Variants in DGKB observed in about 807,000 individuals in gnomAD.
DGKB encodes the protein diacylglycerol kinase beta.
A neutral mutation model predicts 114.3 loss-of-function variants in DGKB; 67 were observed. The observed-to-expected ratio is 0.59, with a 90% CI of 0.48 to 0.72. The LOEUF (loss-of-function observed/expected upper bound fraction) is 0.72, where lower values mean the gene tolerates loss of function less well. DGKB is among the 30% of genes least tolerant of loss of function. The pLI is 0.00. For synonymous variants in DGKB, 398 were observed against 323.1 expected (o/e 1.23, Z -2.49); for missense variants, 907 against 975.2 (o/e 0.93, Z 0.93).
intron 21 of DGKB, among the ~76,000 whole-genome samples, chr7:14,410,780 T>C (rs934203423): frequency 1.7e-5 from 2 of 115,364 alleles, no homozygotes; most frequent in African/African-American, 3.0e-5. Flanking sequence ...ATTTTAAAAA[T>C]TGTATCAAAT....
At chr7:14,480,376 A>G (rs1335144896) in intron 20 of DGKB, among the ~76,000 whole-genome samples, 1 of 152,078 alleles carries the variant, frequency 6.6e-6, no homozygotes, top group Non-Finnish European at 1.5e-5. Context: ...TAAAAAGAGA[A>G]CTGGCATTGC....
At chr7:14,962,036 T>C (rs1166136669) in intron 1 of DGKB, among the ~76,000 whole-genome samples, 1 of 152,132 alleles carries the variant, frequency 6.6e-6, no homozygotes, top group Non-Finnish European at 1.5e-5. Flanking sequence ...ACGAATTCTT[T>C]AAAATTACAA....
chr7:14,579,616 T>C (rs183195696), intron 19 of DGKB, among the ~76,000 whole-genome samples: 33 of 152,278 alleles, frequency 2.2e-4, no homozygotes, highest in Middle Eastern at 3.4e-3. Context: ...TGAACTCTAA[T>C]GCAACTCATG....
At chr7:14,458,179 A>T (rs1832573221) in intron 21 of DGKB, among the ~76,000 whole-genome samples, 2 of 152,194 alleles carry the variant, frequency 1.3e-5, no homozygotes. Context: ...TATTCTAACC[A>T]CCTGAATATT....
chr7:14,755,035 C>T (rs1471901897), intron 3 of DGKB, among the ~76,000 whole-genome samples: 2 of 152,126 alleles, frequency 1.3e-5, no homozygotes, highest in Non-Finnish European at 2.9e-5. Context: ...AATCATTTCA[C>T]TTTTCTTAAA....
chr7:14,553,661 T>C (rs113890185), intron 20 of DGKB, among the ~76,000 whole-genome samples: 16 of 152,126 alleles, frequency 1.1e-4, no homozygotes, highest in African/African-American at 3.4e-4. Flanking sequence ...TCATGGTATG[T>C]ATGGGTTTAC....
In DGKB at chr7:14,647,437, A is replaced by G. The variant is rs1355154677; in HGVS notation, c.1135-17169T>C. Among the ~76,000 whole-genome samples the G allele has an allele frequency of 2.0e-5, 3 of 152,194 alleles. No homozygotes were observed. The East Asian group carries it at 5.8e-4, about 29-fold the overall frequency. ...AAACGAAACCAATTATTTTTAAATT[A>G]CTCCAAAAACAAAAAAATAGACCAT... On this transcript the variant is annotated intron_variant, in intron 13 of 25. Coordinates refer to ENST00000402815, the MANE Select transcript of DGKB (RefSeq NM_001350709.2).
intron 13 of DGKB, among the ~76,000 whole-genome samples, chr7:14,669,132 T>G (rs1334892743): frequency 1.3e-5 from 2 of 152,180 alleles, no homozygotes; most frequent in Non-Finnish European, 2.9e-5. Flanking sequence ...GACCCAGGTT[T>G]CTATTTCTTT....
In DGKB at chr7:14,259,994, A is replaced by T. The variant is rs1796516907; in HGVS notation, c.2122+78521T>A. Reference sequence around the variant, plus strand: ...ACATTTCAAATTGTTGAGCACTTTTATCTTCTGGGTTTGAAATTATTCATG... The same window carrying T: ...ACATTTCAAATTGTTGAGCACTTTTTTCTTCTGGGTTTGAAATTATTCATG... On this transcript the variant is annotated intron_variant, in intron 23 of 25. Coordinates refer to ENST00000402815, the MANE Select transcript of DGKB (RefSeq NM_001350709.2). Among the ~76,000 whole-genome samples, 3 of 152,158 alleles carry T rather than the reference A, an allele frequency of 2.0e-5. No homozygotes were observed. The South Asian group carries it at 6.2e-4, about 31-fold the overall frequency.
At chr7:14,290,140 G>T (rs1306981313) in intron 23 of DGKB, among the ~76,000 whole-genome samples, 1 of 152,124 alleles carries the variant, frequency 6.6e-6, no homozygotes, top group Non-Finnish European at 1.5e-5. Flanking sequence ...TGACCTCAAA[G>T]CCCAACCAGG....
chr7:14,853,867 CAAAAAAA>C (rs56269565), intron 1 of DGKB, among the ~76,000 whole-genome samples: 34 of 104,000 alleles, frequency 3.3e-4, no homozygotes, highest in Admixed American at 8.0e-4. Context: ...GACTCCGTCT[CAAAAAAA>C]AAAAAAAAAA....
At chr7:14,645,232 A>T (rs2128882567) in intron 13 of DGKB, among the ~76,000 whole-genome samples, 1 of 152,202 alleles carries the variant, frequency 6.6e-6, no homozygotes, top group East Asian at 1.9e-4. Flanking sequence ...GCTTTCCTTC[A>T]GTGACTCAAT....
chr7:14,849,474 C>T (rs1202696351), intron 1 of DGKB, among the ~76,000 whole-genome samples: 1 of 152,024 alleles, frequency 6.6e-6, no homozygotes, highest in Non-Finnish European at 1.5e-5. Flanking sequence ...TTCCATCTTC[C>T]ACCATGTGAC....
At chr7:14,851,232 A>T (rs1849304385) in intron 1 of DGKB, among the ~76,000 whole-genome samples, 1 of 152,184 alleles carries the variant, frequency 6.6e-6, no homozygotes, top group South Asian at 2.1e-4. Context: ...TGACACAAAA[A>T]ATCTAAAAGA....
chr7:14,366,660 C>T (rs1816725787), intron 21 of DGKB, among the ~76,000 whole-genome samples: 1 of 152,098 alleles, frequency 6.6e-6, no homozygotes, highest in African/African-American at 2.4e-5. Context: ...GAAGCCAAAT[C>T]CAATCGATTC....
chr7:14,170,010 T>C (rs941230363), intron 25 of DGKB, among the ~76,000 whole-genome samples: 1 of 151,300 alleles, frequency 6.6e-6, no homozygotes, highest in Non-Finnish European at 1.5e-5. Flanking sequence ...GGCACATGCC[T>C]GTAATCCCAG....
At chr7:14,854,972 C>T (rs1032463823) in intron 1 of DGKB, among the ~76,000 whole-genome samples, 1 of 152,152 alleles carries the variant, frequency 6.6e-6, no homozygotes, top group Non-Finnish European at 1.5e-5. Flanking sequence ...AGATGTAATG[C>T]ATTCAAGAGA....
At chr7:14,287,745 A>G (rs1422049959) in intron 23 of DGKB, among the ~76,000 whole-genome samples, 1 of 152,200 alleles carries the variant, frequency 6.6e-6, no homozygotes, top group African/African-American at 2.4e-5. Context: ...CTCTGAACAC[A>G]TGGGTCCTGA....
chr7:14,632,935 A>G (rs908099078), intron 13 of DGKB, among the ~76,000 whole-genome samples: 1 of 151,940 alleles, frequency 6.6e-6, no homozygotes, highest in Non-Finnish European at 1.5e-5. Flanking sequence ...CACAGCGGCC[A>G]AAAGATAATA....
Sources: gnomAD v4.1 joint callset for allele counts (sites outside exome capture counted in the v4.1 genomes callset) on GRCh38, gnomAD v4.1.1 for gene constraint, MANE v1.5 for transcripts, NCBI Gene and HGNC (gene_info 2026-07-23, HGNC 2026-07-21) for gene names.